ROBO1: variants seen among roughly 807,000 people sequenced by gnomAD.
ROBO1 encodes roundabout guidance receptor 1, also known as roundabout homolog 1.
In ROBO1, 149 loss-of-function variants were observed where a neutral mutation model predicts 195.9. The observed-to-expected ratio is 0.76, with a 90% CI of 0.67 to 0.87. The LOEUF (loss-of-function observed/expected upper bound fraction) is 0.87. Ranked by LOEUF, ROBO1 falls within the 40% of genes least tolerant of loss-of-function variation. The pLI is 0.00. For missense variants in ROBO1, 1,933 were observed against 2,068.3 expected (o/e 0.93, Z 1.27); for synonymous variants, 816 against 733.2 (o/e 1.11, Z -1.82).
At chr3:78,637,155 A>G (rs1037042330) in intron 22 of ROBO1, among the ~76,000 whole-genome samples, 7 of 146,228 alleles carry the variant, frequency 4.8e-5, no homozygotes, top group Non-Finnish European at 9.0e-5. Flanking sequence ...TTAACTGGAT[A>G]TGTTTAAAAA....
At chr3:79,543,848 T>A (rs969983711) in intron 2 of ROBO1, among the ~76,000 whole-genome samples, 1 of 152,136 alleles carries the variant, frequency 6.6e-6, no homozygotes, top group African/African-American at 2.4e-5. Context: ...AAGGTACTTA[T>A]GTGTATGCAA....
At chr3:78,910,851 G>A (rs1325700765) in intron 4 of ROBO1, among the ~76,000 whole-genome samples, 1 of 151,976 alleles carries the variant, frequency 6.6e-6, no homozygotes. Context: ...GGTTCTCAGT[G>A]TGTGTTCTCT....
At chr3:79,127,314 C>T (rs1335385596) in intron 2 of ROBO1, among the ~76,000 whole-genome samples, 2 of 152,114 alleles carry the variant, frequency 1.3e-5, no homozygotes, top group Non-Finnish European at 2.9e-5. Flanking sequence ...TGCAAACTAA[C>T]CAAATATAAG....
At chr3:79,575,511 AATAT>A (rs1181494906) in intron 2 of ROBO1, among the ~76,000 whole-genome samples, 1 of 119,360 alleles carries the variant, frequency 8.4e-6, no homozygotes, top group Admixed American at 8.8e-5. Flanking sequence ...ATATATAACA[AATAT>A]ATATAAATAT....
At chr3:78,795,114 T>G (rs1236007702) in intron 4 of ROBO1, among the ~76,000 whole-genome samples, 1 of 152,164 alleles carries the variant, frequency 6.6e-6, no homozygotes, top group Non-Finnish European at 1.5e-5. Context: ...ATTTGGCCTG[T>G]AAAAAGATAG....
chr3:78,962,486 C>G (rs890599706), intron 3 of ROBO1, among the ~76,000 whole-genome samples: 9 of 150,296 alleles, frequency 6.0e-5, no homozygotes, highest in Non-Finnish European at 8.8e-5. Context: ...GGTCTGCCAT[C>G]CTTCCCTGGT....
chr3:78,735,818 G>A (rs2082379956), intron 5 of ROBO1, among the ~76,000 whole-genome samples: 1 of 152,096 alleles, frequency 6.6e-6, no homozygotes, highest in South Asian at 2.1e-4. Flanking sequence ...TTTTAGATGG[G>A]TTGATCAGAT....
At chr3:78,903,483 A>T (rs745667213) in intron 4 of ROBO1, among the ~76,000 whole-genome samples, 3 of 55,296 alleles carry the variant, frequency 5.4e-5, no homozygotes, top group East Asian at 3.1e-4. Flanking sequence ...CACTTTTAAT[A>T]AAAAAAAAAG....
At chr3:79,417,080 A>T (rs2038035079) in intron 2 of ROBO1, among the ~76,000 whole-genome samples, 1 of 152,254 alleles carries the variant, frequency 6.6e-6, no homozygotes, top group Non-Finnish European at 1.5e-5. Flanking sequence ...TATTTCCACA[A>T]ATATGTTGGT....
At chr3:79,004,945 T>A (rs2077587412) in intron 3 of ROBO1, among the ~76,000 whole-genome samples, 1 of 152,166 alleles carries the variant, frequency 6.6e-6, no homozygotes, top group African/African-American at 2.4e-5. Context: ...ATAAAAATCA[T>A]CAAAGCTCAG....
chr3:79,501,972 T>A (rs1940096228), intron 2 of ROBO1, among the ~76,000 whole-genome samples: 1 of 152,230 alleles, frequency 6.6e-6, no homozygotes, highest in Non-Finnish European at 1.5e-5. Flanking sequence ...CACAGTCGTT[T>A]GAGTAAGATA....
At chr3:79,739,175 G>A (rs915702463) in intron 1 of ROBO1, among the ~76,000 whole-genome samples, 8 of 152,072 alleles carry the variant, frequency 5.3e-5, no homozygotes, top group Admixed American at 4.6e-4. Flanking sequence ...AAAGGATATT[G>A]ACCATTTCCC....
At chr3:79,638,774 A>G (rs1945571658) in intron 1 of ROBO1, among the ~76,000 whole-genome samples, 1 of 152,190 alleles carries the variant, frequency 6.6e-6, no homozygotes, top group Admixed American at 6.5e-5. Flanking sequence ...TGAACAACAC[A>G]TTCACTGTGT....
intron 2 of ROBO1, among the ~76,000 whole-genome samples, chr3:79,378,364 C>T (rs190425244): frequency 6.6e-6 from 1 of 152,184 alleles, no homozygotes; most frequent in Admixed American, 6.6e-5. Flanking sequence ...GTGCCTCCAG[C>T]ACGTTTGCCT....
Position 79,021,651 on chromosome 3 carries a change from A to ATTTT in ROBO1, c.173-82728_173-82725dup, listed in dbSNP as rs71127372. On this transcript the variant is annotated intron_variant, in intron 3 of 30. Coordinates refer to ENST00000464233, the MANE Select transcript of ROBO1 (RefSeq NM_002941.4). ...CCCCTCTCTTCCACTCCTAGAGATG[A>ATTTT]TTTTTTTTTTTTTTTTTTTTTTTTT... Among the ~76,000 whole-genome samples, 17 of 76,906 alleles carry ATTTT rather than the reference A, an allele frequency of 2.2e-4. 2 individuals carry two copies. The highest frequency in any genetic ancestry group is 9.3e-4 in the African/African-American group (17 of 18,190). The allele number at this position is 76,906 out of a possible 152,430, so 50.5% of individuals were successfully genotyped here.
intron 1 of ROBO1, among the ~76,000 whole-genome samples, chr3:79,633,170 A>G (rs1318767090): frequency 7.6e-6 from 1 of 131,250 alleles, no homozygotes; most frequent in East Asian, 2.3e-4. Context: ...TTACATATGT[A>G]TATTTGCTGG....
At chr3:79,688,311 A>G (rs1947194021) in intron 1 of ROBO1, among the ~76,000 whole-genome samples, 1 of 151,878 alleles carries the variant, frequency 6.6e-6, no homozygotes, top group Admixed American at 6.6e-5. Context: ...TGGCACATGT[A>G]TACATATGTA....
intron 2 of ROBO1, among the ~76,000 whole-genome samples, chr3:79,556,650 A>G (rs907796034): frequency 3.3e-5 from 5 of 152,002 alleles, no homozygotes; most frequent in Non-Finnish European, 5.9e-5. Context: ...GTATATATGT[A>G]TGTATGCACA....
chr3:78,688,841 TTATATTCTAAGTGCTGCTGTTATTTTATA>T, intron 8 of ROBO1, 69 bp from the exon 9 acceptor site: 1 of 1,452,870 alleles, frequency 6.9e-7, no homozygotes, highest in Non-Finnish European at 9.3e-7. Flanking sequence ...AGACAATCTC[TTATATTCTAAGTGCTGCTGTTATTTTATA>T]CAACATGTTA....
Sources: allele counts gnomAD v4.1 joint callset (sites outside exome capture counted in the v4.1 genomes callset), GRCh38; gene constraint gnomAD v4.1.1; transcripts MANE v1.5; gene names NCBI Gene and HGNC (gene_info 2026-07-23, HGNC 2026-07-21).